ARHGAP44: variants seen among roughly 807,000 people sequenced by gnomAD.
ARHGAP44 encodes rho GTPase-activating protein 44.
ARHGAP44 carries 43 observed loss-of-function variants against 106.8 expected under a neutral mutation model. The ratio of observed to expected loss-of-function variants is 0.40; its 90% CI spans 0.32 to 0.52. ARHGAP44 has a LOEUF of 0.52. ARHGAP44 is among the 20% of genes least tolerant of loss of function. ARHGAP44 has a pLI of 0.48. For synonymous variants in ARHGAP44, 439 were observed against 410.3 expected (o/e 1.07, Z -0.85); for missense variants, 866 against 1,050.5 (o/e 0.82, Z 2.43).
At chr17:12,926,412 TAA>T (rs1231740575) in intron 6 of ARHGAP44, among the ~76,000 whole-genome samples, 1 of 143,056 alleles carries the variant, frequency 7.0e-6, no homozygotes, top group Non-Finnish European at 1.5e-5. Context: ...TGTATATATA[TAA>T]TATATATGTA....
At chr17:12,793,027 C>T (rs1789085944) in intron 1 of ARHGAP44, among the ~76,000 whole-genome samples, 1 of 152,214 alleles carries the variant, frequency 6.6e-6, no homozygotes, top group African/African-American at 2.4e-5. Flanking sequence ...GGAAGCACTC[C>T]CTGGCCACTG....
chr17:12,807,072 G>A (rs886977942), intron 1 of ARHGAP44, among the ~76,000 whole-genome samples: 7 of 152,160 alleles, frequency 4.6e-5, no homozygotes, highest in Admixed American at 3.9e-4. Flanking sequence ...ATATTGGGTT[G>A]AGTTTCAGTT....
intron 19 of ARHGAP44, among the ~76,000 whole-genome samples, chr17:12,983,540 T>C (rs3826373): frequency 0.53 from 80,152 of 151,954 alleles, 21,583 homozygotes; most frequent in East Asian, 0.73. Flanking sequence ...CGTGGTGGCT[T>C]ACGCCTGTAA....
In ARHGAP44 at chr17:12,969,747, T is replaced by TGACC. The variant is rs1316038706; in HGVS notation, c.1524-3553_1524-3550dup. 5.3e-5 allele frequency among the ~76,000 whole-genome samples: 8 copies of TGACC among 152,344 alleles called. No individual in the cohort carries two copies. The East Asian group carries it at 1.2e-3, about 22-fold the overall frequency. On this transcript the variant is annotated intron_variant, in intron 16 of 20. Transcript: ENST00000379672. ...CTAGACCCTACTACAACCCACTGTA[T>TGACC]GACCGCTCAGCTTCTGCCACCAGGT...
Position 12,990,305 on chromosome 17 carries a change from T to A in ARHGAP44, c.*134T>A. 1 of 1,265,892 alleles carries A rather than the reference T, an allele frequency of 7.9e-7. No individual in the cohort carries two copies. Among genetic ancestry groups the A allele is most frequent in the Non-Finnish European group, 1.1e-6 (1 of 935,350 alleles). 78.4% of individuals were successfully genotyped at this position (1,265,892 alleles called of 1,614,324 possible). A position where few individuals can be genotyped will look rare whatever the true frequency, so the allele number is the denominator to read the frequency against. Reference sequence around the variant, plus strand: ...GCCACTGCCAACACGAGGTTGGAATTTGGCAGAAAATTGTGATCTCCAGTC... The same window carrying A: ...GCCACTGCCAACACGAGGTTGGAATATGGCAGAAAATTGTGATCTCCAGTC... On this transcript the variant is annotated 3_prime_UTR_variant, in exon 21 of 21. Coordinates refer to ENST00000379672, the MANE Select transcript of ARHGAP44 (RefSeq NM_014859.6).
intron 1 of ARHGAP44, among the ~76,000 whole-genome samples, chr17:12,875,951 A>C (rs78438639): frequency 0.48 from 72,407 of 152,010 alleles, 20,035 homozygotes; most frequent in East Asian, 0.62. Context: ...TCTCAAAAAA[A>C]AAAATGTATT....
chr17:12,978,467 A>AATT (rs2039750340), intron 18 of ARHGAP44, among the ~76,000 whole-genome samples: 1 of 152,228 alleles, frequency 6.6e-6, no homozygotes, highest in African/African-American at 2.4e-5. Context: ...GTGCCTCCAC[A>AATT]TTGAATGTGA....
At chr17:12,900,605 T>C (rs1280570787) in intron 3 of ARHGAP44, among the ~76,000 whole-genome samples, 3 of 152,184 alleles carry the variant, frequency 2.0e-5, no homozygotes, top group Non-Finnish European at 4.4e-5. Context: ...AGCAAATATT[T>C]AGAAAGCAAC....
chr17:12,950,965 G>C (rs1160086016), intron 12 of ARHGAP44, among the ~76,000 whole-genome samples: 1 of 152,180 alleles, frequency 6.6e-6, no homozygotes, highest in African/African-American at 2.4e-5. Flanking sequence ...GCCTGAAAGA[G>C]ACCCACCTGA....
chr17:12,820,365 A>G (rs2034731044), intron 1 of ARHGAP44, among the ~76,000 whole-genome samples: 1 of 152,272 alleles, frequency 6.6e-6, no homozygotes, highest in East Asian at 1.9e-4. Flanking sequence ...TCAGGATTTA[A>G]TAACACAATT....
intron 1 of ARHGAP44, among the ~76,000 whole-genome samples, chr17:12,847,139 ATAAT>A (rs2035591071): frequency 6.6e-6 from 1 of 152,200 alleles, no homozygotes; most frequent in African/African-American, 2.4e-5. Context: ...CTTTAAAATA[ATAAT>A]TAGGCATAGC....
intron 13 of ARHGAP44, among the ~76,000 whole-genome samples, chr17:12,954,257 G>C (rs12451713): frequency 6.6e-6 from 1 of 151,966 alleles, no homozygotes; most frequent in South Asian, 2.1e-4. Context: ...TTCAGGAAAC[G>C]GATGGTGGTG....
intron 13 of ARHGAP44, 21 bp from the exon 14 acceptor site, chr17:12,955,846 G>A: frequency 1.3e-6 from 2 of 1,522,714 alleles, no homozygotes; most frequent in Non-Finnish European, 1.8e-6. Context: ...GTTAAACCTG[G>A]CCCTTCTAAT....
At chr17:12,964,126 G>T (rs2039333964) in intron 16 of ARHGAP44, among the ~76,000 whole-genome samples, 1 of 152,138 alleles carries the variant, frequency 6.6e-6, no homozygotes, top group South Asian at 2.1e-4. Flanking sequence ...AAAGTTTTGG[G>T]TGCAGATTAT....
chr17:12,838,573 A>G (rs929536017), intron 1 of ARHGAP44, among the ~76,000 whole-genome samples: 5 of 152,114 alleles, frequency 3.3e-5, no homozygotes, highest in African/African-American at 1.2e-4. Flanking sequence ...AGTGGAGGGA[A>G]TCAGGGGTGA....
intron 16 of ARHGAP44, among the ~76,000 whole-genome samples, chr17:12,964,286 A>G (rs187213009): frequency 1.8e-3 from 271 of 151,708 alleles, no homozygotes; most frequent in African/African-American, 6.1e-3. Flanking sequence ...GGTCAAATCA[A>G]TTTTTTTTTC....
chr17:12,888,457 A>G (rs956297761), intron 1 of ARHGAP44, among the ~76,000 whole-genome samples: 1 of 151,142 alleles, frequency 6.6e-6, no homozygotes, highest in Non-Finnish European at 1.5e-5. Context: ...CAAACTGCAT[A>G]TGACTTTCAT....
intron 1 of ARHGAP44, among the ~76,000 whole-genome samples, chr17:12,841,214 A>G (rs1012744378): frequency 6.6e-6 from 1 of 152,212 alleles, no homozygotes; most frequent in African/African-American, 2.4e-5. Flanking sequence ...AACTTGGTGT[A>G]AATATGCTAT....
At chr17:12,841,579 C>CTG (rs1468204398) in intron 1 of ARHGAP44, among the ~76,000 whole-genome samples, 9 of 127,198 alleles carry the variant, frequency 7.1e-5, no homozygotes, top group East Asian at 2.4e-4. Flanking sequence ...GAGACCCTGT[C>CTG]TCTCTGTCTC....
Sources: allele counts gnomAD v4.1 joint callset (sites outside exome capture counted in the v4.1 genomes callset), GRCh38; gene constraint gnomAD v4.1.1; transcripts MANE v1.5; gene names NCBI Gene and HGNC (gene_info 2026-07-23, HGNC 2026-07-21).